ERICH3: variants seen among roughly 807,000 people sequenced by gnomAD.
The protein encoded by ERICH3 is glutamate-rich protein 3.
In ERICH3, 126 loss-of-function variants were observed where a neutral mutation model predicts 131.1. That is an observed-to-expected ratio of 0.96 (90% CI 0.83 to 1.11). The LOEUF is 1.11. ERICH3 is among the 50% of genes most tolerant of loss of function. The probability of loss-of-function intolerance (pLI) is 0.00; values close to 1 mark genes in which losing one functional copy is unlikely to be tolerated. For synonymous variants in ERICH3, 695 were observed against 644.6 expected, an observed-to-expected ratio of 1.08 and a Z score of -1.18; for missense variants, 2,050 against 1,810.7, an observed-to-expected ratio of 1.13 and a Z score of -2.40.
intron 1 of ERICH3, among the ~76,000 whole-genome samples, chr1:74,662,834 T>G (rs1026129876): frequency 7.2e-5 from 11 of 152,158 alleles, no homozygotes; most frequent in African/African-American, 2.4e-4. Flanking sequence ...ACCATGTTTT[T>G]AAAGAGTGCT....
intron 6 of ERICH3, among the ~76,000 whole-genome samples, chr1:74,635,078 A>G (rs1646376488): frequency 6.6e-6 from 1 of 152,098 alleles, no homozygotes; most frequent in Admixed American, 6.6e-5. Flanking sequence ...TCTAGAGAAA[A>G]ATGAGCTTGT....
At chr1:74,585,301 C>T (rs1647278577) in intron 12 of ERICH3, among the ~76,000 whole-genome samples, 1 of 152,194 alleles carries the variant, frequency 6.6e-6, no homozygotes, top group African/African-American at 2.4e-5. Context: ...TGTCTGATTG[C>T]AGCTAGCAAT....
intron 12 of ERICH3, among the ~76,000 whole-genome samples, chr1:74,583,599 G>C (rs574474162): frequency 2.6e-5 from 4 of 152,006 alleles, no homozygotes; most frequent in African/African-American, 9.7e-5. Flanking sequence ...ACTGTGCTAC[G>C]TATTTTCTAG....
At chr1:74,621,087 TC>T (rs1649200928) in intron 7 of ERICH3, among the ~76,000 whole-genome samples, 173 bp from the exon 8 acceptor site, 1 of 152,158 alleles carries the variant, frequency 6.6e-6, no homozygotes, top group African/African-American at 2.4e-5. Flanking sequence ...GCAAAATAAA[TC>T]CTCCTAAATA....
chr1:74,650,481 C>T (rs1646523296), intron 1 of ERICH3, among the ~76,000 whole-genome samples: 1 of 152,076 alleles, frequency 6.6e-6, no homozygotes, highest in Non-Finnish European at 1.5e-5. Context: ...TTAGTATATA[C>T]AGTAGTCCTC....
At chr1:74,577,822 G>T (rs1231132449) in intron 12 of ERICH3, among the ~76,000 whole-genome samples, 6 of 152,018 alleles carry the variant, frequency 3.9e-5, no homozygotes, top group Non-Finnish European at 7.4e-5. Flanking sequence ...TCCCTTCTAG[G>T]AACGTGTGCT....
chr1:74,633,359 C>T (rs150174141), intron 6 of ERICH3, among the ~76,000 whole-genome samples: 5 of 151,444 alleles, frequency 3.3e-5, no homozygotes, highest in Admixed American at 6.6e-5. Context: ...TTATATTTTC[C>T]ATTTTTTCTG....
intron 11 of ERICH3, among the ~76,000 whole-genome samples, chr1:74,598,967 A>G (rs1183909268): frequency 6.6e-6 from 1 of 152,002 alleles, no homozygotes; most frequent in East Asian, 1.9e-4. Flanking sequence ...GCTATTAGCA[A>G]TAATAAGTTA....
Position 74,628,696 on chromosome 1 carries a change from C to T in ERICH3, c.819+3017G>A, listed in dbSNP as rs115281663. ...AAGTGTCAACTCTCCATATACAGTACACACACACACACACACAGACACACT... is the reference window on the plus strand; with the variant it reads ...AAGTGTCAACTCTCCATATACAGTATACACACACACACACACAGACACACT... On this transcript the variant is annotated intron_variant, in intron 7 of 14. Coordinates refer to ENST00000326665, the MANE Select transcript of ERICH3 (RefSeq NM_001002912.5). 5.0e-3 allele frequency among the ~76,000 whole-genome samples: 567 copies of T among 113,188 alleles called. 2 individuals carry two copies. The highest frequency in any genetic ancestry group is 0.015 in the African/African-American group (535 of 35,538). 74.3% of individuals were successfully genotyped at this position (113,188 alleles called of 152,430 possible).
chr1:74,640,722 T>G (rs1300180114), intron 5 of ERICH3, among the ~76,000 whole-genome samples: 1 of 152,196 alleles, frequency 6.6e-6, no homozygotes, highest in Admixed American at 6.6e-5. Flanking sequence ...AGTGTTTAGT[T>G]TCTTCAGATA....
chr1:74,573,625 A>T, intron 13 of ERICH3, 134 bp from the exon 14 acceptor site: 1 of 1,067,252 alleles, frequency 9.4e-7, no homozygotes, highest in Non-Finnish European at 1.2e-6. Context: ...TGTATTATAT[A>T]TAAAACACTT....
chr1:74,672,668 C>T (rs934653685), intron 1 of ERICH3, among the ~76,000 whole-genome samples: 1 of 152,022 alleles, frequency 6.6e-6, no homozygotes, highest in Non-Finnish European at 1.5e-5. Context: ...GCAAGATTGA[C>T]TAGGATATTT....
At chr1:74,606,410 G>A (rs553346061) in intron 10 of ERICH3, among the ~76,000 whole-genome samples, 191 bp downstream of exon 10, 2 of 151,910 alleles carry the variant, frequency 1.3e-5, no homozygotes, top group African/African-American at 4.8e-5. Context: ...TCTGGGGCTA[G>A]GTCTGCCTTC....
intron 1 of ERICH3, among the ~76,000 whole-genome samples, chr1:74,658,382 G>A (rs959483599): frequency 2.0e-5 from 3 of 152,128 alleles, no homozygotes; most frequent in African/African-American, 4.8e-5. Flanking sequence ...GGAAAAGAGA[G>A]GAAGCAGCAT....
At chr1:74,595,194 A>G (rs1431722043) in intron 11 of ERICH3, among the ~76,000 whole-genome samples, 1 of 152,158 alleles carries the variant, frequency 6.6e-6, no homozygotes, top group Non-Finnish European at 1.5e-5. Flanking sequence ...TTACAAGTTC[A>G]AGAAAAACTG....
intron 6 of ERICH3, chr1:74,634,849 T>C (rs1646374124): frequency 1.7e-6 from 1 of 582,758 alleles, no homozygotes; most frequent in Non-Finnish European, 3.1e-6. Context: ...GAGATGGGTG[T>C]ATCAGGCCAT....
At chr1:74,651,236 C>T (rs1646531361) in intron 1 of ERICH3, among the ~76,000 whole-genome samples, 1 of 152,026 alleles carries the variant, frequency 6.6e-6, no homozygotes, top group Admixed American at 6.6e-5. Flanking sequence ...AACAGCCCAT[C>T]GCAGGAAAGT....
At chr1:74,591,341 G>C (rs1368122183) in intron 11 of ERICH3, among the ~76,000 whole-genome samples, 2 of 152,150 alleles carry the variant, frequency 1.3e-5, no homozygotes, top group Non-Finnish European at 2.9e-5. Flanking sequence ...CTGATCCCAT[G>C]GGCACTTCTG....
At chr1:74,655,755 C>T (rs1646578075) in intron 1 of ERICH3, among the ~76,000 whole-genome samples, 1 of 152,148 alleles carries the variant, frequency 6.6e-6, no homozygotes, top group African/African-American at 2.4e-5. Context: ...AAGGTCTCTC[C>T]CATAAGCCTG....
Sources: allele counts gnomAD v4.1 joint callset (sites outside exome capture counted in the v4.1 genomes callset), GRCh38; gene constraint gnomAD v4.1.1; transcripts MANE v1.5; gene names NCBI Gene and HGNC (gene_info 2026-07-23, HGNC 2026-07-21).